CTNNA2: variants seen among roughly 807,000 people sequenced by gnomAD.
The protein encoded by CTNNA2 is catenin alpha 2.
A neutral mutation model predicts 101.0 loss-of-function variants in CTNNA2; 42 were observed. The observed-to-expected ratio is 0.42, with a 90% CI of 0.32 to 0.54. The LOEUF (loss-of-function observed/expected upper bound fraction) is 0.54, where lower values mean the gene tolerates loss of function less well. CTNNA2 is among the 20% of genes least tolerant of loss of function. CTNNA2 has a pLI of 0.14. For synonymous variants in CTNNA2, 450 were observed against 456.4 expected (o/e 0.99, Z 0.18); for missense variants, 871 against 1,223.1 (o/e 0.71, Z 4.29).
At chr2:79,554,681 T>G (rs539283440) in intron 1 of CTNNA2, among the ~76,000 whole-genome samples, 3 of 152,214 alleles carry the variant, frequency 2.0e-5, no homozygotes, top group African/African-American at 7.2e-5. Context: ...GATAGAAGGC[T>G]CCAGACACCT....
At chr2:79,451,953 C>G (rs1670758054) in intron 4 of CTNNA2, among the ~76,000 whole-genome samples, 1 of 151,988 alleles carries the variant, frequency 6.6e-6, no homozygotes, top group Non-Finnish European at 1.5e-5. Context: ...GATGGCTTCA[C>G]AAGTAAAACC....
chr2:80,529,175 A>G (rs1006510269), intron 9 of CTNNA2, among the ~76,000 whole-genome samples: 34 of 152,254 alleles, frequency 2.2e-4, no homozygotes, highest in African/African-American at 6.3e-4. Flanking sequence ...GCCAACTTTT[A>G]TTGGTAAGAA....
intron 7 of CTNNA2, among the ~76,000 whole-genome samples, chr2:80,142,847 C>T (rs1213499676): frequency 1.3e-5 from 2 of 151,734 alleles, no homozygotes; most frequent in African/African-American, 2.4e-5. Flanking sequence ...CTTGGACAAC[C>T]TTGTATGGAG....
chr2:80,589,839 C>A (rs1172349233), intron 15 of CTNNA2, among the ~76,000 whole-genome samples: 1 of 145,344 alleles, frequency 6.9e-6, no homozygotes, highest in Non-Finnish European at 1.5e-5. Flanking sequence ...TGTTAATATA[C>A]CTTTGGAAAA....
At chr2:79,530,478 C>G (rs1344140566) in intron 1 of CTNNA2, among the ~76,000 whole-genome samples, 1 of 150,394 alleles carries the variant, frequency 6.6e-6, no homozygotes, top group Non-Finnish European at 1.5e-5. Context: ...AAGGGGAAGG[C>G]AGGTGCCTCA....
At chr2:80,327,749 GA>G (rs1221359658) in intron 7 of CTNNA2, among the ~76,000 whole-genome samples, 1 of 152,158 alleles carries the variant, frequency 6.6e-6, no homozygotes, top group Non-Finnish European at 1.5e-5. Context: ...AGTATAAACA[GA>G]GCTTTATTTA....
chr2:79,222,898 A>C (rs946119317), intron 2 of CTNNA2, among the ~76,000 whole-genome samples: 22 of 152,124 alleles, frequency 1.4e-4, no homozygotes, highest in African/African-American at 5.3e-4. Flanking sequence ...CTGTAATCCC[A>C]GAACTTTGGA....
chr2:80,222,693 CTCAAAAGTATTTG>C (rs1708636822), intron 7 of CTNNA2, among the ~76,000 whole-genome samples: 1 of 152,158 alleles, frequency 6.6e-6, no homozygotes, highest in African/African-American at 2.4e-5. Context: ...ACAAGAAAAA[CTCAAAAGTATTTG>C]TCATCTCATT....
At chr2:79,677,597 T>G (rs1451020286) in intron 2 of CTNNA2, among the ~76,000 whole-genome samples, 1 of 152,192 alleles carries the variant, frequency 6.6e-6, no homozygotes, top group African/African-American at 2.4e-5. Flanking sequence ...TAAGCATCTG[T>G]GCTGTAATCT....
rs146730251 is a variant in CTNNA2 at position 80,349,759 on chromosome 2, A to G, written c.1057-43452A>G. Among the ~76,000 whole-genome samples, 322 of 152,206 alleles carry G rather than the reference A, an allele frequency of 2.1e-3. 7 individuals carry two copies. In the South Asian group the frequency reaches 0.024, roughly 11 times the overall value. On this transcript the variant is annotated intron_variant, in intron 7 of 18. Transcript: ENST00000402739. ...GGTCTTGAATTGTTGGGCTCAAGCT[A>G]TCATCCTGCCTTAGCCTCCGGAGTT...
chr2:79,193,087 TAC>T (rs1572972041), intron 1 of CTNNA2, among the ~76,000 whole-genome samples: 1 of 152,346 alleles, frequency 6.6e-6, no homozygotes, highest in East Asian at 1.9e-4. Context: ...TGTATAAGTT[TAC>T]ACTATATGTA....
At chr2:79,392,978 G>T (rs1678191702) in intron 4 of CTNNA2, among the ~76,000 whole-genome samples, 1 of 152,142 alleles carries the variant, frequency 6.6e-6, no homozygotes, top group Non-Finnish European at 1.5e-5. Context: ...AAATGCAACT[G>T]GGAAAATCTC....
At chr2:80,180,533 G>A (rs1442008092) in intron 7 of CTNNA2, among the ~76,000 whole-genome samples, 1 of 152,100 alleles carries the variant, frequency 6.6e-6, no homozygotes, top group African/African-American at 2.4e-5. Flanking sequence ...GCTGCCATTT[G>A]GCCTCTGCCA....
chr2:80,199,127 G>A (rs1266952176), intron 7 of CTNNA2, among the ~76,000 whole-genome samples: 1 of 138,330 alleles, frequency 7.2e-6, no homozygotes, highest in Non-Finnish European at 1.5e-5. Context: ...GTTGCAGTGA[G>A]CTGAGATTGT....
intron 3 of CTNNA2, among the ~76,000 whole-genome samples, chr2:79,847,435 CAGG>C (rs926802230): frequency 2.7e-5 from 4 of 146,474 alleles, no homozygotes; most frequent in African/African-American, 1.0e-4. Flanking sequence ...CCCAGCTACT[CAGG>C]GGGCTGAGGC....
chr2:79,741,563 C>T (rs772262544), intron 2 of CTNNA2, among the ~76,000 whole-genome samples: 82 of 152,192 alleles, frequency 5.4e-4, no homozygotes, highest in Non-Finnish European at 9.7e-4. Context: ...CATTTTCCCC[C>T]ATGAAACATT....
intron 9 of CTNNA2, among the ~76,000 whole-genome samples, chr2:80,448,880 C>T (rs1337914691): frequency 2.6e-5 from 4 of 152,088 alleles, no homozygotes; most frequent in African/African-American, 9.7e-5. Flanking sequence ...CCTTCCTTTC[C>T]TCCTTTTTCT....
intron 4 of CTNNA2, among the ~76,000 whole-genome samples, chr2:79,860,585 A>G (rs1418406896): frequency 7.5e-6 from 1 of 133,146 alleles, no homozygotes; most frequent in Non-Finnish European, 1.5e-5. Flanking sequence ...GCACAAAATC[A>G]TGGAAAGGTC....
intron 9 of CTNNA2, among the ~76,000 whole-genome samples, chr2:80,529,429 G>A (rs1327591961): frequency 1.3e-5 from 2 of 152,150 alleles, no homozygotes. Flanking sequence ...TAAGACATTT[G>A]AAAGTTAAAT....
Sources: gnomAD v4.1 joint callset for allele counts (sites outside exome capture counted in the v4.1 genomes callset) on GRCh38, gnomAD v4.1.1 for gene constraint, MANE v1.5 for transcripts, NCBI Gene and HGNC (gene_info 2026-07-23, HGNC 2026-07-21) for gene names.